IL1RAPL2: variants seen among roughly 807,000 people sequenced by gnomAD.
IL1RAPL2 encodes the protein X-linked interleukin-1 receptor accessory protein-like 2.
Under a neutral mutation model 44.1 loss-of-function variants are expected in IL1RAPL2, and 3 were observed. That is an observed-to-expected ratio of 0.07 (90% confidence interval 0.03 to 0.18). The LOEUF is 0.18. Ranked by LOEUF, IL1RAPL2 falls within the 10% of genes least tolerant of loss-of-function variation. The pLI is 1.00. For missense variants in IL1RAPL2, 391 were observed against 496.4 expected (o/e 0.79, Z 2.02); for synonymous variants, 181 against 178.8 (o/e 1.01, Z -0.10).
At chrX:105,565,275 A>T (rs1309074664) in intron 6 of IL1RAPL2, among the ~76,000 whole-genome samples, 1 of 111,624 alleles carries the variant, frequency 9.0e-6, no homozygotes, top group Non-Finnish European at 1.9e-5. Flanking sequence ...GCCAGGAGAT[A>T]GTCTTATAAC....
chrX:104,653,288 C>T (rs1424245657), intron 1 of IL1RAPL2, among the ~76,000 whole-genome samples: 2 of 111,658 alleles, frequency 1.8e-5, no homozygotes, highest in East Asian at 2.8e-4. Context: ...CCTAGTCCAG[C>T]TTGGACCTTT....
At chrX:105,125,886 C>T (rs973172594) in intron 2 of IL1RAPL2, among the ~76,000 whole-genome samples, 2 of 110,559 alleles carry the variant, frequency 1.8e-5, no homozygotes, top group Admixed American at 9.6e-5. Context: ...AATCAATCCT[C>T]TCTGAGAATA....
intron 6 of IL1RAPL2, among the ~76,000 whole-genome samples, chrX:105,569,221 C>T (rs1157266653): frequency 9.0e-6 from 1 of 111,315 alleles, no homozygotes; most frequent in African/African-American, 3.3e-5. Flanking sequence ...TTTATACTTT[C>T]CCTTAATTAT....
At chrX:105,733,154 A>C (rs2038418781) in intron 7 of IL1RAPL2, among the ~76,000 whole-genome samples, 1 of 111,388 alleles carries the variant, frequency 9.0e-6, no homozygotes, top group Non-Finnish European at 1.9e-5. Flanking sequence ...CTAGGTTTGT[A>C]ATTGTTTTAT....
intron 5 of IL1RAPL2, among the ~76,000 whole-genome samples, chrX:105,415,191 G>T (rs1391975917): frequency 1.8e-5 from 2 of 111,821 alleles, no homozygotes; most frequent in Non-Finnish European, 3.8e-5. Context: ...TCTTCTTAAA[G>T]GAAGTTTTCT....
chrX:105,607,114 C>A (rs1302096279), intron 6 of IL1RAPL2, among the ~76,000 whole-genome samples: 3 of 111,185 alleles, frequency 2.7e-5, no homozygotes, highest in Admixed American at 1.9e-4. Flanking sequence ...TTGATCATTG[C>A]ACATTGTGTG....
chrX:104,756,742 T>C (rs895094665), intron 2 of IL1RAPL2, among the ~76,000 whole-genome samples: 4 of 109,365 alleles, frequency 3.7e-5, no homozygotes, highest in South Asian at 3.9e-4. Flanking sequence ...TTGAAGTGTA[T>C]GGATAAAGTT....
At chrX:104,826,931 A>G (rs1467435036) in intron 2 of IL1RAPL2, among the ~76,000 whole-genome samples, 1 of 68,840 alleles carries the variant, frequency 1.5e-5, no homozygotes, top group African/African-American at 5.8e-5. Flanking sequence ...TAGAATTGCA[A>G]CCCCTGCTTT....
Position 105,220,573 on chromosome X carries a change from G to A in IL1RAPL2, c.357-13245G>A, listed in dbSNP as rs41311565. On this transcript the variant is annotated intron_variant, in intron 3 of 10. Transcript: ENST00000372582. Reference sequence around the variant, plus strand: ...CCCTGACCGGCTTGTCCTACCCTAGGACACCTCCCACCAGGCCTCACCTCT... The same window carrying A: ...CCCTGACCGGCTTGTCCTACCCTAGAACACCTCCCACCAGGCCTCACCTCT... The A allele has an allele frequency of 4.7e-3, 1,942 of 416,659 alleles. 5 individuals are homozygous for A. The highest frequency in any genetic ancestry group is 6.7e-3 in the Non-Finnish European group (1,697 of 253,258). 34.3% of individuals were successfully genotyped at this position (416,659 alleles called of 1,213,427 possible). A position where few individuals can be genotyped will look rare whatever the true frequency, so the allele number is the denominator to read the frequency against.
chrX:105,390,385 A>T (rs2035512208), intron 5 of IL1RAPL2, among the ~76,000 whole-genome samples: 1 of 111,755 alleles, frequency 8.9e-6, no homozygotes, highest in South Asian at 3.7e-4. Flanking sequence ...TAAGAAATGT[A>T]CCTACACATG....
intron 5 of IL1RAPL2, among the ~76,000 whole-genome samples, chrX:105,365,665 GT>G (rs1313894680): frequency 9.0e-6 from 1 of 111,005 alleles, no homozygotes; most frequent in African/African-American, 3.3e-5. Context: ...GTCTTTTTAG[GT>G]TATCTAATTT....
In IL1RAPL2 at chrX:105,450,759, A is replaced by G. The variant is rs188433464; in HGVS notation, c.698-33554A>G. ...TCATTTTAGTAAATCTCTACAGAGA[A>G]CATTGACACATACTGGTGGATTTGA... On this transcript the variant is annotated intron_variant, in intron 5 of 10. Transcript: ENST00000372582. 6.6e-4 allele frequency among the ~76,000 whole-genome samples: 74 copies of G among 112,256 alleles called. 1 individual carries two copies. The highest frequency in any genetic ancestry group is 6.5e-3 in the Admixed American group (69 of 10,575).
intron 2 of IL1RAPL2, among the ~76,000 whole-genome samples, chrX:104,909,748 A>T (rs1471906859): frequency 8.9e-6 from 1 of 112,237 alleles, no homozygotes; most frequent in African/African-American, 3.2e-5. Context: ...CTCTCTTCAA[A>T]GCTGTCAGAC....
chrX:105,240,042 C>T (rs5962485), intron 4 of IL1RAPL2, among the ~76,000 whole-genome samples: 18,829 of 111,685 alleles, frequency 0.17, 3,154 homozygotes, highest in African/African-American at 0.52. Context: ...CCCAGGAATA[C>T]GGGTTTGACA....
intron 2 of IL1RAPL2, among the ~76,000 whole-genome samples, chrX:105,168,717 G>A (rs1178337218): frequency 2.7e-5 from 3 of 109,943 alleles, no homozygotes; most frequent in African/African-American, 1.0e-4. Context: ...AAAGCAATCA[G>A]ACAAAAGGAA....
At chrX:105,055,796 TG>T (rs989335860) in intron 2 of IL1RAPL2, among the ~76,000 whole-genome samples, 1 of 87 alleles carries the variant, frequency 0.011, no homozygotes, top group Admixed American at 0.12. Context: ...TAAATCACTC[TG>T]GGTTTTTTCC....
intron 5 of IL1RAPL2, among the ~76,000 whole-genome samples, chrX:105,317,218 G>T (rs111293217): frequency 0.11 from 12,526 of 111,553 alleles, 1,714 homozygotes; most frequent in African/African-American, 0.39. Context: ...CTTTCTGTGT[G>T]ACACAAATAT....
At chrX:104,808,605 A>T (rs911766931) in intron 2 of IL1RAPL2, among the ~76,000 whole-genome samples, 2 of 111,730 alleles carry the variant, frequency 1.8e-5, no homozygotes, top group Non-Finnish European at 3.8e-5. Context: ...CAGCCATTCA[A>T]GTGCAAGTAG....
chrX:104,730,072 A>G (rs1023603975), intron 2 of IL1RAPL2, among the ~76,000 whole-genome samples: 1 of 111,171 alleles, frequency 9.0e-6, no homozygotes, highest in African/African-American at 3.3e-5. Context: ...TCACTACTTA[A>G]TGATAAAAGA....
Sources: allele counts gnomAD v4.1 joint callset (sites outside exome capture counted in the v4.1 genomes callset), GRCh38; gene constraint gnomAD v4.1.1; transcripts MANE v1.5; gene names NCBI Gene and HGNC (gene_info 2026-07-23, HGNC 2026-07-21).